XKR9: variants seen among roughly 807,000 people sequenced by gnomAD.
XKR9 encodes the protein XK related 9, also known as XK-related protein 9.
XKR9 carries 32 observed loss-of-function variants against 32.0 expected under a neutral mutation model. The ratio of observed to expected loss-of-function variants is 1.00; its 90% confidence interval spans 0.76 to 1.34. XKR9 has a LOEUF of 1.34. Ranked by LOEUF, XKR9 falls within the 40% of genes most tolerant of loss-of-function variation. The pLI, the probability that XKR9 is intolerant of heterozygous loss-of-function variation, is 0.00. For synonymous variants in XKR9, 168 were observed against 143.4 expected, an observed-to-expected ratio of 1.17 and a Z score of -1.22; for missense variants, 546 against 429.7, an observed-to-expected ratio of 1.27 and a Z score of -2.39.
Position 70,734,096 on chromosome 8 carries a change from T to C in XKR9, c.794T>C (p.Ile265Thr), listed in dbSNP as rs373930109. 1.2e-6 allele frequency: 2 copies of C among 1,612,604 alleles called. No individual in the cohort carries two copies. Among genetic ancestry groups the C allele is most frequent in the African/African-American group, 2.7e-5 (2 of 75,012 alleles). Reference protein sequence around the residue: ...TCISMEFLYRIVVGFILIFTF... With the variant: ...TCISMEFLYRTVVGFILIFTF... ...ATAAGTATGGAATTCTTATATAGGA[T>C]TGTTGTTGGATTCATTCTTATCTTT... is the stretch of plus-strand genomic sequence containing the variant. The change falls in exon 5 of 5, where the codon ATT (isoleucine) becomes ACT (threonine). Residue 265 changes from isoleucine to threonine, a missense_variant. Ile to Thr is a moderately conservative substitution (Grantham distance 89, BLOSUM62 -1). Coordinates refer to ENST00000408926, the MANE Select transcript of XKR9 (RefSeq NM_001011720.2).
chr8:70,745,342 G>T (rs1188745688), intron 2 of XKR9, among the ~76,000 whole-genome samples: 1 of 152,056 alleles, frequency 6.6e-6, no homozygotes, highest in African/African-American at 2.4e-5. Flanking sequence ...ATTATTATGT[G>T]TATATAAAAG....
the XKR9 span, among the ~76,000 whole-genome samples, chr8:71,021,370 A>G: frequency 6.6e-5 from 10 of 151,852 alleles, no homozygotes. Context: ...TATTGGATGC[A>G]GTTATTTTTT....
chr8:70,767,336 A>G (rs916045366), intron 2 of XKR9, among the ~76,000 whole-genome samples: 3 of 152,048 alleles, frequency 2.0e-5, no homozygotes, highest in African/African-American at 7.2e-5. Flanking sequence ...GGGAGGGTGT[A>G]TCTGTCTAGG....
At chr8:70,963,405 G>C in the XKR9 span, among the ~76,000 whole-genome samples, 2 of 152,104 alleles carry the variant, frequency 1.3e-5, no homozygotes, top group African/African-American at 4.8e-5. Context: ...CTTTGCTGTT[G>C]TGAGTAGTAC....
the XKR9 span, among the ~76,000 whole-genome samples, chr8:70,876,722 C>CCTT: frequency 1.3e-5 from 2 of 152,002 alleles, no homozygotes; most frequent in African/African-American, 4.8e-5. Flanking sequence ...AAGAGTAACA[C>CCTT]CTTCACTCAG....
chr8:70,809,493 T>G, the XKR9 span, among the ~76,000 whole-genome samples: 1 of 152,178 alleles, frequency 6.6e-6, no homozygotes, highest in African/African-American at 2.4e-5. Context: ...ATCATACTAC[T>G]CTGAGGTAAA....
At chr8:70,973,203 A>T in the XKR9 span, among the ~76,000 whole-genome samples, 1 of 152,002 alleles carries the variant, frequency 6.6e-6, no homozygotes, top group South Asian at 2.1e-4. Flanking sequence ...AGGGTTGTAT[A>T]TTTTCACAAA....
intron 2 of XKR9, among the ~76,000 whole-genome samples, chr8:70,770,193 A>G (rs1563474856): frequency 6.6e-6 from 1 of 152,206 alleles, no homozygotes; most frequent in Non-Finnish European, 1.5e-5. Flanking sequence ...CCTAACAATC[A>G]GTCCCCTCTT....
At chr8:70,900,421 A>G in the XKR9 span, among the ~76,000 whole-genome samples, 2 of 151,874 alleles carry the variant, frequency 1.3e-5, no homozygotes, top group Non-Finnish European at 1.5e-5. Flanking sequence ...GAAACCCCAT[A>G]TCTACTAAAA....
intron 2 of XKR9, among the ~76,000 whole-genome samples, chr8:70,767,089 G>T (rs954291175): frequency 6.6e-6 from 1 of 152,086 alleles, no homozygotes; most frequent in Non-Finnish European, 1.5e-5. Context: ...GCCAGGTTTT[G>T]GTATCAGGAT....
At chr8:70,996,268 G>T in the XKR9 span, among the ~76,000 whole-genome samples, 2 of 152,200 alleles carry the variant, frequency 1.3e-5, no homozygotes, top group South Asian at 4.1e-4. Context: ...ATTTACCCTA[G>T]GTCTGCTTGG....
chr8:70,778,514 A>T (rs1807564965), intron 2 of XKR9, among the ~76,000 whole-genome samples: 1 of 152,202 alleles, frequency 6.6e-6, no homozygotes, highest in Admixed American at 6.5e-5. Flanking sequence ...TGGCAATAGC[A>T]TTGAATCTAT....
the XKR9 span, among the ~76,000 whole-genome samples, chr8:71,008,497 A>G: frequency 6.6e-6 from 1 of 152,228 alleles, no homozygotes; most frequent in African/African-American, 2.4e-5. Context: ...CCAGATCAGC[A>G]GCATTGGCAT....
At chr8:71,033,566 G>A in the XKR9 span, among the ~76,000 whole-genome samples, 2 of 152,140 alleles carry the variant, frequency 1.3e-5, no homozygotes, top group African/African-American at 4.8e-5. Flanking sequence ...GTTGCGGGGT[G>A]TTTGGGTCAT....
the XKR9 span, among the ~76,000 whole-genome samples, chr8:70,926,850 G>C: frequency 6.6e-6 from 1 of 152,220 alleles, no homozygotes. Context: ...GGAAACTTGG[G>C]TTTTACAACT....
chr8:71,021,545 C>T, the XKR9 span, among the ~76,000 whole-genome samples: 1 of 141,560 alleles, frequency 7.1e-6, no homozygotes, highest in Admixed American at 7.2e-5. Context: ...CTCTGTCGCC[C>T]AGGCTGGGGT....
chr8:70,984,467 A>G, the XKR9 span, among the ~76,000 whole-genome samples: 6 of 152,280 alleles, frequency 3.9e-5, no homozygotes, highest in South Asian at 1.2e-3. Flanking sequence ...GGATGTCCCA[A>G]GTTGTTCTGG....
the XKR9 span, among the ~76,000 whole-genome samples, chr8:70,982,079 G>T: frequency 6.6e-6 from 1 of 152,256 alleles, no homozygotes; most frequent in Non-Finnish European, 1.5e-5. Context: ...AGGGTCCTTG[G>T]TTGTGCTTTT....
chr8:70,987,046 C>T, the XKR9 span, among the ~76,000 whole-genome samples: 5 of 152,158 alleles, frequency 3.3e-5, no homozygotes, highest in South Asian at 2.1e-4. Flanking sequence ...ACCATGAGAA[C>T]AGTATGGGGG....
Sources: gnomAD v4.1 joint callset for allele counts (sites outside exome capture counted in the v4.1 genomes callset) on GRCh38, gnomAD v4.1.1 for gene constraint, MANE v1.5 for transcripts, NCBI Gene and HGNC (gene_info 2026-07-23, HGNC 2026-07-21) for gene names.